The following HNRNPL variants were observed in gnomAD, a reference collection of about 807,000 sequenced individuals.
HNRNPL encodes the protein epididymis secretory sperm binding protein.
HNRNPL carries 12 observed loss-of-function variants against 64.0 expected under a neutral mutation model. The observed-to-expected ratio is 0.19, with a 90% CI of 0.12 to 0.30. The LOEUF (loss-of-function observed/expected upper bound fraction) is 0.30. Ranked by LOEUF, HNRNPL falls within the 10% of genes least tolerant of loss-of-function variation. The pLI, the probability that HNRNPL is intolerant of heterozygous loss-of-function variation, is 1.00. For synonymous variants in HNRNPL, 385 were observed against 313.0 expected (o/e 1.23, Z -2.43); for missense variants, 484 against 797.4 (o/e 0.61, Z 4.73).
upstream of HNRNPL, chr19:38,851,279 TCTC>T (rs1245953042): frequency 1.3e-5 from 2 of 152,190 alleles, no homozygotes; most frequent in Non-Finnish European, 2.9e-5. Context: ...TCGGAGGGTA[TCTC>T]CAGACTCCGG....
chr19:38,844,634 T>C (rs7255774), intron 4 of HNRNPL: 119,901 of 157,556 alleles, frequency 0.76, 46,292 homozygotes, highest in African/African-American at 0.85. Context: ...TTGCAGAGGC[T>C]GTTTCCTCCA....
chr19:38,850,071 G>A (rs1046826514), upstream of HNRNPL: 37 of 936,374 alleles, frequency 4.0e-5, no homozygotes, highest in South Asian at 6.8e-4. Flanking sequence ...GCCGCGGGGG[G>A]AGGGTAGGCC....
intron 1 of HNRNPL, 137 bp downstream of exon 1, chr19:38,849,563 G>A (rs1972429894): frequency 8.6e-7 from 1 of 1,163,174 alleles, no homozygotes; most frequent in South Asian, 3.6e-5. Context: ...CCCAACGGCC[G>A]CCCCTCCCCC....
In HNRNPL at chr19:38,849,796, G is replaced by T; in HGVS notation, c.171C>A (p.Ala57=). 2 of 1,382,086 alleles carry T rather than the reference G, an allele frequency of 1.4e-6. No individual in the cohort carries two copies. Among genetic ancestry groups the T allele is most frequent in the Non-Finnish European group, 1.9e-6 (2 of 1,027,656 alleles). The allele number at this position is 1,382,086 out of a possible 1,614,324, so 85.6% of individuals were successfully genotyped here. A position where few individuals can be genotyped will look rare whatever the true frequency, so the allele number is the denominator to read the frequency against. Residue 57 remains alanine (A), a synonymous_variant, in exon 1 of 13, where the codon GCC becomes GCA. Coordinates refer to ENST00000221419, the MANE Select transcript of HNRNPL (RefSeq NM_001533.3). ...YYGGGSEGGR[A]PKRLKTDNAG... ...CGTTGTCAGTCTTGAGCCGCTTAGG[G>T]GCCCGGCCGCCCTCACTGCCGCCGC...
intron 1 of HNRNPL, among the ~76,000 whole-genome samples, chr19:38,848,600 A>T (rs558604949): frequency 6.6e-6 from 1 of 152,190 alleles, no homozygotes; most frequent in Non-Finnish European, 1.5e-5. Context: ...GTAGAATTGG[A>T]TTCTATTTCA....
intron 4 of HNRNPL, 84 bp downstream of exon 4, chr19:38,845,566 C>T: frequency 9.0e-7 from 1 of 1,111,078 alleles, no homozygotes; most frequent in African/African-American, 1.5e-5. Flanking sequence ...GGTCAGCAGA[C>T]ACATGCTGGC....
intron 1 of HNRNPL, among the ~76,000 whole-genome samples, chr19:38,848,388 C>T (rs148508475): frequency 1.3e-4 from 20 of 152,308 alleles, no homozygotes; most frequent in African/African-American, 4.6e-4. Flanking sequence ...CCCCCACTCC[C>T]GGATGGAAAG....
In HNRNPL at chr19:38,849,692, G is replaced by A. The variant is rs1600073066; in HGVS notation, c.267+8C>T. On this transcript the variant is annotated splice_region_variant and intron_variant, in intron 1 of 12. Transcript: ENST00000221419. ...CGGCCTTCCCAGCGCCTAGGGCCCTGGCCTCACCCCACCGCCGCCGCCGCC... is the reference window on the plus strand; with the variant it reads ...CGGCCTTCCCAGCGCCTAGGGCCCTAGCCTCACCCCACCGCCGCCGCCGCC... 3 of 1,355,210 alleles carry A rather than the reference G, an allele frequency of 2.2e-6. No homozygotes were observed. Among genetic ancestry groups the A allele is most frequent in the Middle Eastern group, 2.7e-4 (1 of 3,648 alleles). 83.9% of individuals were successfully genotyped at this position (1,355,210 alleles called of 1,614,324 possible). A position where few individuals can be genotyped will look rare whatever the true frequency, so the allele number is the denominator to read the frequency against.
Position 38,849,897 on chromosome 19 carries a change from C to G in HNRNPL, c.70G>C (p.Glu24Gln). 1.6e-6 allele frequency: 2 copies of G among 1,259,992 alleles called. No individual in the cohort carries two copies. The highest frequency in any genetic ancestry group is 2.2e-6 in the Non-Finnish European group (2 of 899,452). 78.1% of individuals were successfully genotyped at this position (1,259,992 alleles called of 1,614,324 possible). A position where few individuals can be genotyped will look rare whatever the true frequency, so the allele number is the denominator to read the frequency against. ...ATCGCTCCCGACCGCCTCCGCTGCT[C>G]GTCCGGCTGCTGCCTCTGCTCCAGC... ...RRLEQRQQPD[E>Q]QRRRSGAMVK... The change falls in exon 1 of 13, where the codon GAG (glutamate) becomes CAG (glutamine). Residue 24 changes from glutamate (E) to glutamine (Q), a missense_variant. By Grantham distance (29) the Glu-to-Gln change is conservative. Coordinates refer to ENST00000221419, the MANE Select transcript of HNRNPL (RefSeq NM_001533.3).
rs375903656 is a variant in HNRNPL at position 38,843,907 on chromosome 19, C to T, written c.815G>A (p.Arg272His). The T allele has an allele frequency of 5.0e-5, 80 of 1,613,914 alleles. No individual in the cohort carries two copies. The highest frequency in any genetic ancestry group is 9.3e-5 in the African/African-American group (7 of 74,922). Residue 272 changes from arginine (R) to histidine (H), a missense_variant, in exon 6 of 13, where the codon CGC becomes CAC. Physicochemically the swap from Arg to His is conservative, Grantham distance 29. Around this residue, in one of 9 missense-constraint regions of HNRNPL, gnomAD observed 60 missense variants for 192.2 expected, o/e 0.31. Transcript: ENST00000221419. ...CTGATCATTCTTGAACACATTCAAG[C>T]GTGTAGGCTGCAAGGACAGGACAAG... ...TLKIEYAKPT[R>H]LNVFKNDQDT...
In HNRNPL at chr19:38,845,839, C is replaced by T. The variant is rs1360971176; in HGVS notation, c.624+14G>A. 1.2e-6 allele frequency: 2 copies of T among 1,610,150 alleles called. No individual in the cohort carries two copies. The highest frequency in any genetic ancestry group is 2.2e-5 in the South Asian group (2 of 91,032). On this transcript the variant is annotated intron_variant, in intron 3 of 12. Transcript: ENST00000221419. ...GGAAGGGAGACCTCACAAGAAATGC[C>T]TGCTGGCACGTACCGTGGTGATCGA...
upstream of HNRNPL, among the ~76,000 whole-genome samples, chr19:38,851,973 C>T (rs982714743): frequency 7.3e-5 from 11 of 151,678 alleles, no homozygotes; most frequent in African/African-American, 2.7e-4. Flanking sequence ...CCGGGCCGGT[C>T]GCGACGAAGG....
intron 1 of HNRNPL, among the ~76,000 whole-genome samples, chr19:38,849,108 C>T (rs1172976091): frequency 6.6e-6 from 1 of 152,264 alleles, no homozygotes; most frequent in Non-Finnish European, 1.5e-5. Context: ...GGTTTCAAGG[C>T]TTCGCTCAAC....
At chr19:38,839,389 A>C in intron 8 of HNRNPL, 1 of 223,306 alleles carries the variant, frequency 4.5e-6, no homozygotes, top group Non-Finnish European at 9.2e-6. Flanking sequence ...CTGGGTTACA[A>C]CAGAGCAGTG....
intron 9 of HNRNPL, 127 bp downstream of exon 9, chr19:38,838,767 C>T: frequency 7.2e-7 from 1 of 1,389,484 alleles, no homozygotes; most frequent in Non-Finnish European, 1.0e-6. Context: ...CGTCTGGGAA[C>T]ACACCTGCCA....
At chr19:38,845,434 C>CCAACACA in intron 4 of HNRNPL, 1 of 576,162 alleles carries the variant, frequency 1.7e-6, no homozygotes, top group South Asian at 2.2e-5. Flanking sequence ...TTTGTATCTC[C>CCAACACA]CAACACACTG....
At position 38,849,742 on chromosome 19, in the gene HNRNPL, A is replaced by ACCG. The variant is rs930534287; in HGVS notation, c.222_224dup (p.Gly79dup). 2 of 1,384,736 alleles carry ACCG rather than the reference A, an allele frequency of 1.4e-6. No individual in the cohort carries two copies. The highest frequency in any genetic ancestry group is 1.6e-5 in the African/African-American group (1 of 64,098). The allele number at this position is 1,384,736 out of a possible 1,614,324, so 85.8% of individuals were successfully genotyped here. ...CCGCCGCCCCGGCTCCTCCACCGCCACCGCCGCCGCCTCCGTGCTGGTCGC... is the reference window on the plus strand; with the variant it reads ...CCGCCGCCCCGGCTCCTCCACCGCCACCGCCGCCGCCGCCTCCGTGCTGGTCGC... On this transcript the variant is annotated inframe_insertion, in exon 1 of 13. Transcript: ENST00000221419.
At chr19:38,843,049 G>A (rs2145421837) in intron 6 of HNRNPL, among the ~76,000 whole-genome samples, 1 of 152,280 alleles carries the variant, frequency 6.6e-6, no homozygotes, top group Non-Finnish European at 1.5e-5. Context: ...GCAAGGGCGA[G>A]CAAGACAGGC....
At chr19:38,847,598 A>T (rs1440482087) in intron 1 of HNRNPL, 164 bp from the exon 2 acceptor site, 5 of 393,256 alleles carry the variant, frequency 1.3e-5, no homozygotes, top group Non-Finnish European at 2.3e-5. Flanking sequence ...TCAGCCCAGA[A>T]GGATTCTGGG....
Sources: allele counts gnomAD v4.1 joint callset (sites outside exome capture counted in the v4.1 genomes callset), GRCh38; gene constraint gnomAD v4.1.1; regional missense constraint gnomAD v4.1.1; transcripts MANE v1.5; gene names NCBI Gene and HGNC (gene_info 2026-07-23, HGNC 2026-07-21).